SORD: variants seen among roughly 807,000 people sequenced by gnomAD.
SORD encodes the protein sorbitol dehydrogenase, also known as (R,R)-butanediol dehydrogenase.
SORD carries 18 observed loss-of-function variants against 35.6 expected under a neutral mutation model. That is an observed-to-expected ratio of 0.51 (90% confidence interval 0.35 to 0.75). SORD has a LOEUF of 0.75. Ranked by LOEUF, SORD falls within the 30% of genes least tolerant of loss-of-function variation. The pLI, the probability that SORD is intolerant of heterozygous loss-of-function variation, is 0.01. For synonymous variants in SORD, 106 were observed against 152.9 expected (o/e 0.69, Z 2.26); for missense variants, 250 against 390.2 (o/e 0.64, Z 3.03).
chr15:45,064,379 C>G (rs1012277538), intron 4 of SORD, among the ~76,000 whole-genome samples: 12 of 152,190 alleles, frequency 7.9e-5, no homozygotes, highest in African/African-American at 2.9e-4. Flanking sequence ...AAAGCCTGCC[C>G]TACCTGCCTA....
At chr15:45,060,998 C>A (rs1187941815) in intron 3 of SORD, 69 bp from the exon 4 acceptor site, 1 of 1,600,890 alleles carries the variant, frequency 6.2e-7, no homozygotes, top group Non-Finnish European at 8.5e-7. Context: ...AAACAAAGAA[C>A]CAGACCAAAG....
intron 3 of SORD, among the ~76,000 whole-genome samples, chr15:45,059,137 T>C (rs1053704850): frequency 2.2e-4 from 34 of 152,308 alleles, no homozygotes; most frequent in African/African-American, 7.5e-4. Flanking sequence ...CTTGATTTTT[T>C]CCAGACTGCT....
At position 45,039,554 on chromosome 15, in the gene SORD, AC is replaced by A. The variant is rs1422836533; in HGVS notation, c.67-853del. Among the ~76,000 whole-genome samples, 8 of 152,330 alleles carry A rather than the reference AC, an allele frequency of 5.3e-5. No homozygotes were observed. The East Asian group carries it at 1.5e-3, about 29-fold the overall frequency. ...TGAGGAAAGAAGGCTTAGTAAACCA[AC>A]ACTACTACAACTACTGCTGCTACTG... On this transcript the variant is annotated intron_variant, in intron 1 of 8. Coordinates refer to ENST00000267814, the MANE Select transcript of SORD (RefSeq NM_003104.6).
At chr15:45,034,355 C>A (rs1421319014) in intron 1 of SORD, among the ~76,000 whole-genome samples, 1 of 152,092 alleles carries the variant, frequency 6.6e-6, no homozygotes, top group Non-Finnish European at 1.5e-5. Flanking sequence ...AGGCATCTTC[C>A]TTCCATTTCT....
At chr15:45,028,145 G>C (rs934476649) in intron 1 of SORD, among the ~76,000 whole-genome samples, 1 of 152,142 alleles carries the variant, frequency 6.6e-6, no homozygotes, top group East Asian at 1.9e-4. Flanking sequence ...GGCCAACATG[G>C]CAAAAATCCT....
Position 45,073,567 on chromosome 15 carries a change from G to C in SORD, c.*37G>C. 2 of 1,591,216 alleles carry C rather than the reference G, an allele frequency of 1.3e-6. No individual in the cohort carries two copies. The highest frequency in any genetic ancestry group is 1.7e-6 in the Non-Finnish European group (2 of 1,171,764). On this transcript the variant is annotated 3_prime_UTR_variant, in exon 9 of 9. Coordinates refer to ENST00000267814, the MANE Select transcript of SORD (RefSeq NM_003104.6). The stretch of plus-strand genomic sequence containing the variant: ...TCTGCCCTCATCCCCACAGTCTTGG[G>C]ATCTCAGGGCACAATGGCTGGACAT...
intron 3 of SORD, among the ~76,000 whole-genome samples, chr15:45,056,925 C>T (rs1212421476): frequency 1.3e-5 from 2 of 152,184 alleles, no homozygotes; most frequent in African/African-American, 4.8e-5. Flanking sequence ...GTGGTAGAAA[C>T]AATTATCCCA....
intron 1 of SORD, among the ~76,000 whole-genome samples, chr15:45,030,069 C>T (rs72722066): frequency 0.21 from 31,162 of 150,542 alleles, 20 homozygotes; most frequent in African/African-American, 0.44. Context: ...CAGAGGAAAG[C>T]GTCCAAACAG....
chr15:45,026,046 G>A (rs1329110415), intron 1 of SORD, among the ~76,000 whole-genome samples: 3 of 152,298 alleles, frequency 2.0e-5, no homozygotes, highest in African/African-American at 7.2e-5. Flanking sequence ...AGAAAGAGTT[G>A]TCAGCAGAGG....
At chr15:45,057,671 T>C (rs1893239091) in intron 3 of SORD, among the ~76,000 whole-genome samples, 1 of 151,988 alleles carries the variant, frequency 6.6e-6, no homozygotes, top group African/African-American at 2.4e-5. Context: ...TAGTCCCAGC[T>C]ACTTGGGAGG....
At chr15:45,030,748 T>C (rs1219410611) in intron 1 of SORD, among the ~76,000 whole-genome samples, 1 of 152,238 alleles carries the variant, frequency 6.6e-6, no homozygotes, top group African/African-American at 2.4e-5. Context: ...TCCTTAACTA[T>C]CCTGTGTGGA....
intron 6 of SORD, 41 bp downstream of exon 6, chr15:45,068,287 AGCGGGTCCTAC>A (rs780931434): frequency 6.9e-7 from 1 of 1,458,976 alleles, no homozygotes; most frequent in Non-Finnish European, 9.6e-7. Flanking sequence ...ACTGGGAAAC[AGCGGGTCCTAC>A]TGTATGTGCA....
intron 3 of SORD, among the ~76,000 whole-genome samples, chr15:45,051,697 G>T (rs374459853): frequency 6.6e-6 from 1 of 152,140 alleles, no homozygotes; most frequent in South Asian, 2.1e-4. Flanking sequence ...TCACCCTTGC[G>T]TTAGTCTACT....
At chr15:45,037,396 T>C (rs1375021167) in intron 1 of SORD, among the ~76,000 whole-genome samples, 1 of 152,178 alleles carries the variant, frequency 6.6e-6, no homozygotes, top group Non-Finnish European at 1.5e-5. Context: ...TTCTAAGCTT[T>C]AGTCTTACCA....
intron 5 of SORD, among the ~76,000 whole-genome samples, chr15:45,066,649 C>G (rs1245563812): frequency 5.9e-5 from 9 of 152,180 alleles, no homozygotes; most frequent in Admixed American, 2.0e-4. Context: ...AGCCTTAGAC[C>G]AAATCATTCT....
rs62025097 is a variant in SORD, at chr15:45,058,950, C to A, written c.266-2117C>A. Among the ~76,000 whole-genome samples the A allele has an allele frequency of 2.0e-3, 303 of 152,276 alleles. 1 individual carries two copies. Among genetic ancestry groups the A allele is most frequent in the Non-Finnish European group, 3.6e-3 (248 of 68,026 alleles). On this transcript the variant is annotated intron_variant, in intron 3 of 8. Coordinates refer to ENST00000267814, the MANE Select transcript of SORD (RefSeq NM_003104.6). Reference sequence around the variant, plus strand: ...CGGGCATGTTTTAAGCAAGCCTCCACCCCACCCCATGCAAGTTCTCATGGA... The same window carrying A: ...CGGGCATGTTTTAAGCAAGCCTCCAACCCACCCCATGCAAGTTCTCATGGA...
intron 1 of SORD, among the ~76,000 whole-genome samples, chr15:45,031,648 G>C (rs1159995699): frequency 6.6e-6 from 1 of 152,070 alleles, no homozygotes; most frequent in Non-Finnish European, 1.5e-5. Flanking sequence ...TTGGTGACAG[G>C]GTTTCACCAT....
chr15:45,034,915 C>T lies in SORD; in HGVS notation c.67-5493C>T, dbSNP rs1316388828. 1.1e-4 allele frequency among the ~76,000 whole-genome samples: 17 copies of T among 152,294 alleles called. No homozygotes were observed. The South Asian group carries it at 1.4e-3, about 13-fold the overall frequency. Reference sequence around the variant, plus strand: ...TCCGGGTAGGCGTGGGCTTGGCGGGCCCCGCACTCAGAGCAGCCGGCCGGC... The same window carrying T: ...TCCGGGTAGGCGTGGGCTTGGCGGGTCCCGCACTCAGAGCAGCCGGCCGGC... On this transcript the variant is annotated intron_variant, in intron 1 of 8. Transcript: ENST00000267814.
Position 45,061,103 on chromosome 15 carries a change from A to G in SORD, c.302A>G (p.Glu101Gly), listed in dbSNP as rs1337968424. 1.2e-6 allele frequency: 2 copies of G among 1,614,004 alleles called. No individual in the cohort carries two copies. The highest frequency in any genetic ancestry group is 2.7e-5 in the African/African-American group (2 of 74,904). Residue 101 changes from glutamate to glycine, a missense_variant, in exon 4 of 9, where the codon GAA becomes GGA. Coordinates refer to ENST00000267814, the MANE Select transcript of SORD (RefSeq NM_003104.6). ...GCCATCGAGCCTGGTGCTCCCCGAG[A>G]AAATGATGAATTCTGCAAGATGGGC... ...RVAIEPGAPRENDEFCKMGRY... is the reference protein window; with the variant it reads ...RVAIEPGAPRGNDEFCKMGRY...
Sources: gnomAD v4.1 joint callset for allele counts (sites outside exome capture counted in the v4.1 genomes callset) on GRCh38, gnomAD v4.1.1 for gene constraint, MANE v1.5 for transcripts, NCBI Gene and HGNC (gene_info 2026-07-23, HGNC 2026-07-21) for gene names.